DLK1: variants seen among roughly 807,000 people sequenced by gnomAD.
The protein encoded by DLK1 is protein delta homolog 1.
Under a neutral mutation model 35.2 loss-of-function variants are expected in DLK1, and 9 were observed. That is an observed-to-expected ratio of 0.26 (90% confidence interval 0.15 to 0.45). DLK1 has a LOEUF of 0.45. DLK1 is among the 20% of genes least tolerant of loss of function. The pLI, the probability that DLK1 is intolerant of heterozygous loss-of-function variation, is 1.00. For synonymous variants in DLK1, 231 were observed against 228.4 expected, an observed-to-expected ratio of 1.01 and a Z score of -0.10; for missense variants, 522 against 528.5, an observed-to-expected ratio of 0.99 and a Z score of 0.12.
chr14:100,727,443 C>T (rs1042702769), intron 1 of DLK1, among the ~76,000 whole-genome samples: 1 of 152,172 alleles, frequency 6.6e-6, no homozygotes, highest in African/African-American at 2.4e-5. Flanking sequence ...GTTGTGGAGT[C>T]TTCTATGAAA....
Position 100,732,126 on chromosome 14 carries a change from C to T in DLK1, c.347C>T (p.Ala116Val), listed in dbSNP as rs139144612. 6.2e-7 allele frequency: 1 copy of T among 1,614,048 alleles called. No homozygotes were observed. Reference protein sequence around the residue: ...LDDGLYECSCAPGYSGKDCQK... With the variant: ...LDDGLYECSCVPGYSGKDCQK... ...GATGGCCTCTATGAATGCTCCTGTGCCCCCGGGTACTCGGGAAAGGACTGC... is the reference window on the plus strand; with the variant it reads ...GATGGCCTCTATGAATGCTCCTGTGTCCCCGGGTACTCGGGAAAGGACTGC... Residue 116 changes from alanine (A) to valine (V), a missense_variant, in exon 4 of 5, where the codon GCC becomes GTC. Coordinates refer to ENST00000341267, the MANE Select transcript of DLK1 (RefSeq NM_003836.7).
chr14:100,728,305 G>A (rs765898220), intron 1 of DLK1, 91 bp from the exon 2 acceptor site: 4 of 1,447,114 alleles, frequency 2.8e-6, no homozygotes, highest in Admixed American at 3.4e-5. Context: ...TGGTGCCCTC[G>A]AGGGCAGTGG....
Position 100,734,560 on chromosome 14 carries a change from G to A in DLK1, c.816G>A (p.Val272=). ...TGGCCTACCGCCTGACCCCTGGGGT[G>A]CACGAGCTGCCGGTGCAGCAGCCGG... ...YGLAYRLTPG[V]HELPVQQPEH... The change falls in exon 5 of 5, where the codon GTG becomes GTA. Residue 272 remains valine (V), a synonymous_variant. Transcript: ENST00000341267. The surrounding 1 kb of genome is among the most constrained non-coding windows in gnomAD (Gnocchi z 7.4). The A allele has an allele frequency of 6.2e-7, 1 of 1,613,208 alleles. No individual in the cohort carries two copies. The highest frequency in any genetic ancestry group is 8.5e-7 in the Non-Finnish European group (1 of 1,179,924).
chr14:100,734,478 T>C lies in DLK1; in HGVS notation c.734T>C (p.Val245Ala). Reference sequence around the variant, plus strand: ...CCCGAGTTCACAGGTCTCACCTGTGTCAAGAAGCGCGCGCTGAGCCCCCAG... The same window carrying C: ...CCCGAGTTCACAGGTCTCACCTGTGCCAAGAAGCGCGCGCTGAGCCCCCAG... ...CKPEFTGLTC[V>A]KKRALSPQQV... is the part of the protein sequence containing the mutation. The change falls in exon 5 of 5, where the codon GTC (valine) becomes GCC (alanine). Residue 245 changes from valine to alanine, a missense_variant. By Grantham distance (64) the Val-to-Ala change is moderately conservative. Coordinates refer to ENST00000341267, the MANE Select transcript of DLK1 (RefSeq NM_003836.7). This position sits in a 1 kb window ranked among gnomAD's most constrained non-coding sequence, Gnocchi z 7.4. 1.2e-6 allele frequency: 2 copies of C among 1,611,438 alleles called. No individual in the cohort carries two copies. The highest frequency in any genetic ancestry group is 1.7e-6 in the Non-Finnish European group (2 of 1,178,712).
rs1363150360 is a variant in DLK1, at chr14:100,736,231, A to G, written c.*1335A>G. The G allele has an allele frequency of 6.6e-6, 1 of 151,970 alleles. No homozygotes were observed. Among genetic ancestry groups the G allele is most frequent in the African/African-American group, 2.4e-5 (1 of 41,344 alleles). The allele number at this position is 151,970 out of a possible 1,614,324, so 9.4% of individuals were successfully genotyped here. A position where few individuals can be genotyped will look rare whatever the true frequency, so the allele number is the denominator to read the frequency against. Reference sequence around the variant, plus strand: ...TTGCAAAAATAGAAAGAAATGGGACAGAGCTCTGTTTAGCTTTTCAGCTTT... The same window carrying G: ...TTGCAAAAATAGAAAGAAATGGGACGGAGCTCTGTTTAGCTTTTCAGCTTT... On this transcript the variant is annotated 3_prime_UTR_variant, in exon 5 of 5. Transcript: ENST00000341267.
chr14:100,728,503 G>A, intron 2 of DLK1, 44 bp downstream of exon 2: 1 of 1,607,366 alleles, frequency 6.2e-7, no homozygotes, highest in Non-Finnish European at 8.5e-7. Flanking sequence ...GGGCCACGCA[G>A]AAGCCTGGGG....
rs1035529904 is a variant in DLK1 at position 100,734,083 on chromosome 14, C to T, written c.405-66C>T. ...GCCAGGGACCTTCTGCCCTGAGCCC[C>T]GTGCCCTGCAGCGCTGTTGTAGCCT... is the stretch of plus-strand genomic sequence containing the variant. On this transcript the variant is annotated intron_variant, in intron 4 of 4. Coordinates refer to ENST00000341267, the MANE Select transcript of DLK1 (RefSeq NM_003836.7). The surrounding 1 kb of genome is among the most constrained non-coding windows in gnomAD (Gnocchi z 7.4). 3.4e-5 allele frequency: 51 copies of T among 1,520,870 alleles called. No individual in the cohort carries two copies. Among genetic ancestry groups the T allele is most frequent in the African/African-American group, 2.8e-4 (20 of 72,298 alleles). The allele number at this position is 1,520,870 out of a possible 1,614,324, so 94.2% of individuals were successfully genotyped here.
In DLK1 at chr14:100,736,322, G is replaced by A; in HGVS notation, c.*1426G>A. The A allele has an allele frequency of 6.6e-6, 1 of 151,948 alleles. No homozygotes were observed. Among genetic ancestry groups the A allele is most frequent in the Admixed American group, 6.6e-5 (1 of 15,256 alleles). 9.4% of individuals were successfully genotyped at this position (151,948 alleles called of 1,614,324 possible). On this transcript the variant is annotated 3_prime_UTR_variant, in exon 5 of 5. Transcript: ENST00000341267. ...AATATTTTGCTTCTTAGATTATTTGGATAAGAATCTATACTCTTAGCTTTA... is the reference window on the plus strand; with the variant it reads ...AATATTTTGCTTCTTAGATTATTTGAATAAGAATCTATACTCTTAGCTTTA...
At position 100,734,357 on chromosome 14, in the gene DLK1, T is replaced by C; in HGVS notation, c.613T>C (p.Cys205Arg). 6.2e-7 allele frequency: 1 copy of C among 1,612,624 alleles called. No homozygotes were observed. Among genetic ancestry groups the C allele is most frequent in the Non-Finnish European group, 8.5e-7 (1 of 1,179,728 alleles). The change falls in exon 5 of 5, where the codon TGC (cysteine) becomes CGC (arginine). Residue 205 changes from cysteine to arginine, a missense_variant. Transcript: ENST00000341267. This position sits in a 1 kb window ranked among gnomAD's most constrained non-coding sequence, Gnocchi z 7.4. ...RCPAGFIDKT[C>R]SRPVTNCASS... The stretch of plus-strand genomic sequence containing the variant: ...CCCAGCCGGCTTCATCGACAAGACC[T>C]GCAGCCGCCCGGTGACCAACTGCGC...
At chr14:100,728,883 C>T in intron 2 of DLK1, 53 bp from the exon 3 acceptor site, 1 of 1,597,950 alleles carries the variant, frequency 6.3e-7, no homozygotes. Flanking sequence ...TGAGCTGCCT[C>T]TCTACCCCTG....
At chr14:100,730,501 T>C (rs1055806109) in intron 3 of DLK1, among the ~76,000 whole-genome samples, 1 of 152,164 alleles carries the variant, frequency 6.6e-6, no homozygotes, top group Admixed American at 6.5e-5. Context: ...TTGCCCATCT[T>C]TGAGGCTGTC....
chr14:100,734,611 G>T lies in DLK1; in HGVS notation c.867G>T (p.Met289Ile). 1 of 1,613,972 alleles carries T rather than the reference G, an allele frequency of 6.2e-7. No homozygotes were observed. The highest frequency in any genetic ancestry group is 1.3e-5 in the African/African-American group (1 of 75,056). ...QPEHRILKVS[M>I]KELNKKTPLL... is the part of the protein sequence containing the mutation. ...AGCACCGCATCCTGAAGGTGTCCAT[G>T]AAAGAGCTCAACAAGAAAACCCCTC... The change falls in exon 5 of 5, where the codon ATG becomes ATT. Residue 289 changes from methionine to isoleucine, a missense_variant. Physicochemically the swap from Met to Ile is conservative, Grantham distance 10 (BLOSUM62 1). Coordinates refer to ENST00000341267, the MANE Select transcript of DLK1 (RefSeq NM_003836.7). This position sits in a 1 kb window ranked among gnomAD's most constrained non-coding sequence, Gnocchi z 7.4.
In DLK1 at chr14:100,735,226, C is replaced by T. The variant is rs779116357; in HGVS notation, c.*330C>T. On this transcript the variant is annotated 3_prime_UTR_variant, in exon 5 of 5. Transcript: ENST00000341267. ...CAACAGAACCAGGGCTCAGTGCCGA[C>T]GCCCCTACCCTGGGGGTCTCGGCCA... 46 of 222,644 alleles carry T rather than the reference C, an allele frequency of 2.1e-4. No homozygotes were observed. Among genetic ancestry groups the T allele is most frequent in the South Asian group, 2.6e-4 (2 of 7,684 alleles). The allele number at this position is 222,644 out of a possible 1,614,324, so 13.8% of individuals were successfully genotyped here. A position where few individuals can be genotyped will look rare whatever the true frequency, so the allele number is the denominator to read the frequency against.
rs1595212436 is a variant in DLK1 at position 100,737,154 on chromosome 14, C to T, written c.*2258C>T. 7.6e-6 allele frequency: 1 copy of T among 131,468 alleles called. No homozygotes were observed. Among genetic ancestry groups the T allele is most frequent in the Admixed American group, 7.8e-5 (1 of 12,754 alleles). 8.1% of individuals were successfully genotyped at this position (131,468 alleles called of 1,614,324 possible). On this transcript the variant is annotated 3_prime_UTR_variant, in exon 5 of 5. Transcript: ENST00000341267. ...TCACCCCCACCCTTCTCCTCCCTTC[C>T]CTCACCCCAAACCCCTGGGTCCTCC...
At position 100,734,301 on chromosome 14, in the gene DLK1, C is replaced by T. The variant is rs1567022395; in HGVS notation, c.557C>T (p.Thr186Ile). 1 of 1,613,450 alleles carries T rather than the reference C, an allele frequency of 6.2e-7. No individual in the cohort carries two copies. The highest frequency in any genetic ancestry group is 8.5e-7 in the Non-Finnish European group (1 of 1,180,008). Reference protein sequence around the residue: ...PNPCENDGVCTDIGGDFRCRC... With the variant: ...PNPCENDGVCIDIGGDFRCRC... ...CCATGCGAGAACGACGGCGTCTGCA[C>T]TGACATTGGGGGCGACTTCCGCTGC... is the stretch of plus-strand genomic sequence containing the variant. Residue 186 changes from threonine (T) to isoleucine (I), a missense_variant, in exon 5 of 5, where the codon ACT becomes ATT. Thr to Ile is a moderately conservative substitution (Grantham distance 89, BLOSUM62 -1). Coordinates refer to ENST00000341267, the MANE Select transcript of DLK1 (RefSeq NM_003836.7). The surrounding 1 kb of genome is among the most constrained non-coding windows in gnomAD (Gnocchi z 7.4).
At chr14:100,728,617 G>GA in intron 2 of DLK1, 158 bp downstream of exon 2, 1 of 231,698 alleles carries the variant, frequency 4.3e-6, no homozygotes, top group South Asian at 5.1e-5. Flanking sequence ...TGGGGAGATG[G>GA]GGGGGGCGGG....
At chr14:100,728,786 T>C (rs1418011297) in intron 2 of DLK1, 150 bp from the exon 3 acceptor site, 1 of 1,078,196 alleles carries the variant, frequency 9.3e-7, no homozygotes, top group Non-Finnish European at 1.3e-6. Flanking sequence ...AGTTTTCCCA[T>C]TCAGGTGGCT....
chr14:100,729,035 C>G lies in DLK1; in HGVS notation c.231C>G (p.Thr77=). 1 of 1,614,022 alleles carries G rather than the reference C, an allele frequency of 6.2e-7. No homozygotes were observed. The highest frequency in any genetic ancestry group is 8.5e-7 in the Non-Finnish European group (1 of 1,180,038). ...GAGAACCCGGGCAGTGCATTTGCAC[C>G]GACGGCTGGGACGGGGAGCTCTGTG... ...LCGEPGQCIC[T]DGWDGELCDR... The change falls in exon 3 of 5, where the codon ACC becomes ACG. Residue 77 remains threonine, a synonymous_variant. Transcript: ENST00000341267.
intron 3 of DLK1, among the ~76,000 whole-genome samples, chr14:100,730,773 G>A (rs75548311): frequency 2.1e-3 from 323 of 152,332 alleles, no homozygotes; most frequent in African/African-American, 7.3e-3. Flanking sequence ...GTGCCGTCCC[G>A]TAAAGATAAA....
Sources: gnomAD v4.1 joint callset for allele counts (sites outside exome capture counted in the v4.1 genomes callset) on GRCh38, gnomAD v4.1.1 for gene constraint, Gnocchi (gnomAD v3.1) non-coding constraint, MANE v1.5 for transcripts, NCBI Gene and HGNC (gene_info 2026-07-23, HGNC 2026-07-21) for gene names.